LARP4B: variants seen among roughly 807,000 people sequenced by gnomAD.
The protein encoded by LARP4B is La ribonucleoprotein 4B.
Under a neutral mutation model 89.8 loss-of-function variants are expected in LARP4B, and 12 were observed. The ratio of observed to expected loss-of-function variants is 0.13; its 90% CI spans 0.09 to 0.22. LARP4B has a LOEUF of 0.22. Ranked by LOEUF, LARP4B falls within the 10% of genes least tolerant of loss-of-function variation. The pLI is 1.00. For missense variants in LARP4B, 757 were observed against 947.7 expected (o/e 0.80, Z 2.64); for synonymous variants, 367 against 363.3 (o/e 1.01, Z -0.12).
chr10:867,480 T>C (rs1443174867), intron 3 of LARP4B, among the ~76,000 whole-genome samples: 1 of 152,250 alleles, frequency 6.6e-6, no homozygotes, highest in African/African-American at 2.4e-5. Flanking sequence ...AAATAGTTTG[T>C]ATTAAACAAA....
Position 814,525 on chromosome 10 carries a change from A to G in LARP4B, c.1929+217T>C. The G allele has an allele frequency of 1.0e-6, 1 of 969,400 alleles. No homozygotes were observed. The highest frequency in any genetic ancestry group is 1.6e-6 in the Non-Finnish European group (1 of 642,900). The allele number at this position is 969,400 out of a possible 1,614,324, so 60.0% of individuals were successfully genotyped here. The stretch of plus-strand genomic sequence containing the variant: ...TATTGACCAACACTGAAATAAAAGG[A>G]CTACATGGTGGTCTGAGAAAGAACT... On this transcript the variant is annotated intron_variant, in intron 17 of 17. Transcript: ENST00000316157. The surrounding 1 kb of genome is among the most constrained non-coding windows in gnomAD (Gnocchi z 4.4).
At chr10:940,351 A>G in the LARP4B span, among the ~76,000 whole-genome samples, 1 of 150,644 alleles carries the variant, frequency 6.6e-6, no homozygotes. Context: ...ATGAGGTTTC[A>G]CCATGTTGGC....
At chr10:890,709 TTTA>T (rs551063620) in intron 1 of LARP4B, among the ~76,000 whole-genome samples, 3 of 151,978 alleles carry the variant, frequency 2.0e-5, no homozygotes, top group Admixed American at 6.5e-5. Context: ...TTTGGACTTT[TTTA>T]TTATTATTAT....
chr10:841,502 A>G (rs957625510), intron 7 of LARP4B, among the ~76,000 whole-genome samples: 1 of 152,246 alleles, frequency 6.6e-6, no homozygotes, highest in African/African-American at 2.4e-5. Flanking sequence ...GAGCAATTTA[A>G]TATCCTCATG....
intron 9 of LARP4B, among the ~76,000 whole-genome samples, chr10:830,350 CTG>C (rs1278389994): frequency 6.6e-6 from 1 of 152,178 alleles, no homozygotes; most frequent in African/African-American, 2.4e-5. Flanking sequence ...TTTCAGGTTT[CTG>C]TGTTTTCTTT....
chr10:918,733 G>C (rs1836895153), intron 1 of LARP4B, among the ~76,000 whole-genome samples: 1 of 150,712 alleles, frequency 6.6e-6, no homozygotes, highest in Admixed American at 6.6e-5. Flanking sequence ...GTTCGGAAAT[G>C]TAGATAACTT....
At chr10:881,788 T>C (rs554117529) in intron 3 of LARP4B, among the ~76,000 whole-genome samples, 1 of 152,222 alleles carries the variant, frequency 6.6e-6, no homozygotes, top group Non-Finnish European at 1.5e-5. Context: ...ACGCTCATCT[T>C]GTACCTAAGG....
the LARP4B span, among the ~76,000 whole-genome samples, chr10:950,362 G>C: frequency 6.6e-5 from 10 of 152,120 alleles, no homozygotes; most frequent in African/African-American, 2.4e-4. Context: ...GATTTTCTCT[G>C]TTTATTTTCT....
chr10:961,221 C>T, the LARP4B span, among the ~76,000 whole-genome samples: 10 of 152,324 alleles, frequency 6.6e-5, no homozygotes, highest in East Asian at 3.9e-4. Flanking sequence ...CTTCTTGGCT[C>T]GTTGATGGCT....
chr10:862,147 T>G (rs1043581833), intron 5 of LARP4B, among the ~76,000 whole-genome samples: 2 of 151,256 alleles, frequency 1.3e-5, no homozygotes, highest in Admixed American at 6.6e-5. Flanking sequence ...AAATTCAAGA[T>G]GGCAAATTTA....
At chr10:820,763 A>C in intron 14 of LARP4B, 37 bp downstream of exon 14, 1 of 1,550,816 alleles carries the variant, frequency 6.4e-7, no homozygotes. Context: ...ATTAGATTTA[A>C]ATGTCTTGTG....
chr10:912,439 C>A (rs1836692876), intron 1 of LARP4B, among the ~76,000 whole-genome samples: 1 of 152,146 alleles, frequency 6.6e-6, no homozygotes, highest in African/African-American at 2.4e-5. Context: ...TGCCTTTCAT[C>A]TGTGCCTGCT....
At chr10:894,994 C>T (rs187421481) in intron 1 of LARP4B, among the ~76,000 whole-genome samples, 29 of 151,920 alleles carry the variant, frequency 1.9e-4, no homozygotes, top group Admixed American at 4.6e-4. Flanking sequence ...CGACCAGCCT[C>T]GGGCAACACA....
the LARP4B span, among the ~76,000 whole-genome samples, chr10:948,349 C>T: frequency 2.6e-5 from 4 of 152,182 alleles, no homozygotes; most frequent in Admixed American, 6.5e-5. Context: ...AAGGTTCAAG[C>T]GATTCTCCTG....
chr10:889,266 G>C (rs186771957), intron 1 of LARP4B, among the ~76,000 whole-genome samples: 118 of 152,116 alleles, frequency 7.8e-4, no homozygotes, highest in Non-Finnish European at 1.3e-3. Flanking sequence ...TTCTCAACCT[G>C]CTTATTCCAG....
At position 863,794 on chromosome 10, in the gene LARP4B, G is replaced by C. The variant is rs771213951; in HGVS notation, c.379C>G (p.Leu127Val). Residue 127 changes from leucine to valine, a missense_variant, in exon 5 of 18, where the codon CTC becomes GTC. Around this residue, in one of 5 missense-constraint regions of LARP4B, gnomAD observed 175 missense variants for 187.0 expected, o/e 0.94. Coordinates refer to ENST00000316157, the MANE Select transcript of LARP4B (RefSeq NM_015155.3). ...QESDPADMNALALGPSEYDSL... is the reference protein window; with the variant it reads ...QESDPADMNAVALGPSEYDSL... ...TCATATTCTGAGGGACCCAGAGCGA[G>C]AGCGTTCATGTCTGCTGGGTCCGAC... 1.2e-6 allele frequency: 2 copies of C among 1,614,144 alleles called. No homozygotes were observed. Among genetic ancestry groups the C allele is most frequent in the South Asian group, 1.1e-5 (1 of 91,076 alleles).
At chr10:936,596 G>A (rs1212185115), upstream of LARP4B, among the ~76,000 whole-genome samples, 1 of 152,060 alleles carries the variant, frequency 6.6e-6, no homozygotes, top group Non-Finnish European at 1.5e-5. Context: ...GGTGGCGGTC[G>A]CCTGTAGTCC....
chr10:920,479 T>C (rs895524484), intron 1 of LARP4B, among the ~76,000 whole-genome samples: 6 of 152,206 alleles, frequency 3.9e-5, no homozygotes, highest in Admixed American at 3.9e-4. Context: ...TTTTATGAAT[T>C]AAGAATTAAT....
chr10:955,032 CTTCCCCAGGACAGCTCCCATCCACG>C, the LARP4B span, among the ~76,000 whole-genome samples: 9 of 81,388 alleles, frequency 1.1e-4, no homozygotes, highest in African/African-American at 3.1e-4. This position sits in a 1 kb window ranked among gnomAD's most constrained non-coding sequence, Gnocchi z 5.2. Context: ...CCCATCCACG[CTTCCCCAGGACAGCTCCCATCCACG>C]CTTCCCCAGG....
Sources: allele counts gnomAD v4.1 joint callset (sites outside exome capture counted in the v4.1 genomes callset), GRCh38; gene constraint gnomAD v4.1.1; regional missense constraint gnomAD v4.1.1; non-coding constraint Gnocchi (gnomAD v3.1); transcripts MANE v1.5; gene names NCBI Gene and HGNC (gene_info 2026-07-23, HGNC 2026-07-21).